The following ACSF3 variants were observed in gnomAD, a reference collection of about 807,000 sequenced individuals.
ACSF3 encodes acyl-CoA synthetase family member 3.
A neutral mutation model predicts 53.2 loss-of-function variants in ACSF3; 78 were observed. The ratio of observed to expected loss-of-function variants is 1.47; its 90% CI spans 1.22 to 1.77. The LOEUF (loss-of-function observed/expected upper bound fraction) is 1.77. ACSF3 is among the 40% of genes most tolerant of loss of function. The probability of loss-of-function intolerance (pLI) is 0.00; values close to 1 mark genes in which losing one functional copy is unlikely to be tolerated. For missense variants in ACSF3, 937 were observed against 771.1 expected (o/e 1.22, Z -2.55); for synonymous variants, 414 against 333.1 (o/e 1.24, Z -2.65).
chr16:89,151,007 C>T, intron 10 of ACSF3: 10 of 1,287,324 alleles, frequency 7.8e-6, no homozygotes, highest in Non-Finnish European at 1.0e-5. Context: ...TTTCCCCAAA[C>T]CAAAGGTCAT....
intron 10 of ACSF3, 47 bp from the exon 11 acceptor site, chr16:89,154,043 T>C: frequency 1.3e-6 from 2 of 1,584,818 alleles, no homozygotes; most frequent in Non-Finnish European, 1.7e-6. Context: ...TTCCTCCTGC[T>C]GGGCACTGTC....
intron 8 of ACSF3, among the ~76,000 whole-genome samples, chr16:89,134,105 A>G (rs900616748): frequency 6.6e-6 from 1 of 152,214 alleles, no homozygotes; most frequent in Admixed American, 6.5e-5. Flanking sequence ...TAGCGGACGT[A>G]TGTGGATGTG....
chr16:89,156,047 C>T lies in ACSF3; in HGVS notation c.*1840C>T, dbSNP rs1361612084. Reference sequence around the variant, plus strand: ...GCTCCAAGGACATGCGGTTGAATGCCGTGTTCTAAAGTCACGAGTGACTCT... The same window carrying T: ...GCTCCAAGGACATGCGGTTGAATGCTGTGTTCTAAAGTCACGAGTGACTCT... On this transcript the variant is annotated 3_prime_UTR_variant, in exon 11 of 11. Coordinates refer to ENST00000614302, the MANE Select transcript of ACSF3 (RefSeq NM_001243279.3). Among the ~76,000 whole-genome samples the T allele has an allele frequency of 6.6e-6, 1 of 152,166 alleles. No individual in the cohort carries two copies.
intron 4 of ACSF3, among the ~76,000 whole-genome samples, chr16:89,105,127 C>T (rs577075367): frequency 6.6e-6 from 1 of 151,936 alleles, no homozygotes; most frequent in Admixed American, 6.6e-5. Flanking sequence ...CTGAGGGCCC[C>T]GTCTCCCTAA....
At chr16:89,102,447 G>C (rs891392859) in intron 3 of ACSF3, 157 bp from the exon 4 acceptor site, 4 of 818,036 alleles carry the variant, frequency 4.9e-6, no homozygotes, top group Non-Finnish European at 8.0e-6. Context: ...TCGTCATCTT[G>C]AGAGGCTGCT....
At chr16:89,133,379 G>C in intron 8 of ACSF3, 117 bp downstream of exon 8, 1 of 1,434,562 alleles carries the variant, frequency 7.0e-7, no homozygotes, top group South Asian at 1.2e-5. Flanking sequence ...GCCAAAGGCA[G>C]AAGATGGGGT....
At position 89,102,391 on chromosome 16, in the gene ACSF3, T is replaced by C. The variant is rs148707302; in HGVS notation, c.667-213T>C. On this transcript the variant is annotated intron_variant, in intron 3 of 10. Coordinates refer to ENST00000614302, the MANE Select transcript of ACSF3 (RefSeq NM_001243279.3). ...TCTGGCTGTGTGTGGCGCTGTCCTCTGTCCCCAGGGTAAGTGAGTGACCCA... is the reference window on the plus strand; with the variant it reads ...TCTGGCTGTGTGTGGCGCTGTCCTCCGTCCCCAGGGTAAGTGAGTGACCCA... 1,469 of 631,880 alleles carry C rather than the reference T, an allele frequency of 2.3e-3. 18 individuals carry two copies. The highest frequency in any genetic ancestry group is 0.023 in the African/African-American group (1,251 of 55,574). The allele number at this position is 631,880 out of a possible 1,614,324, so 39.1% of individuals were successfully genotyped here.
intron 4 of ACSF3, among the ~76,000 whole-genome samples, chr16:89,109,123 T>A (rs920935233): frequency 1.1e-4 from 17 of 149,908 alleles, no homozygotes; most frequent in African/African-American, 4.2e-4. Context: ...TCCCAGCTAC[T>A]CGGGAGGCTG....
At position 89,101,039 on chromosome 16, in the gene ACSF3, G is replaced by A. The variant is rs200703917; in HGVS notation, c.358G>A (p.Gly120Ser). 3.8e-4 allele frequency: 615 copies of A among 1,613,964 alleles called. No individual in the cohort carries two copies. Among genetic ancestry groups the A allele is most frequent in the Non-Finnish European group, 4.7e-4 (559 of 1,179,934 alleles). Reference protein sequence around the residue: ...VAQWASWMSGGVAVPLYRKHP... With the variant: ...VAQWASWMSGSVAVPLYRKHP... ...CCAGTGGGCGTCATGGATGAGTGGCGGTGTGGCAGTCCCCCTCTACAGGAA... is the reference window on the plus strand; with the variant it reads ...CCAGTGGGCGTCATGGATGAGTGGCAGTGTGGCAGTCCCCCTCTACAGGAA... The change falls in exon 3 of 11, where the codon GGT (glycine) becomes AGT (serine). Residue 120 changes from glycine to serine, a missense_variant. Physicochemically the swap from Gly to Ser is moderately conservative, Grantham distance 56 (BLOSUM62 0). Coordinates refer to ENST00000614302, the MANE Select transcript of ACSF3 (RefSeq NM_001243279.3).
At chr16:89,128,582 T>C (rs891984559) in intron 7 of ACSF3, among the ~76,000 whole-genome samples, 1 of 152,222 alleles carries the variant, frequency 6.6e-6, no homozygotes, top group Non-Finnish European at 1.5e-5. Context: ...TATTTTTATT[T>C]TCATTTAGTT....
chr16:89,115,977 G>C (rs2055260527), intron 6 of ACSF3, among the ~76,000 whole-genome samples: 1 of 152,186 alleles, frequency 6.6e-6, no homozygotes, highest in Non-Finnish European at 1.5e-5. Flanking sequence ...AAAATCAGGA[G>C]TTTTAGGTTT....
At chr16:89,114,540 C>A in intron 6 of ACSF3, 53 bp downstream of exon 6, 2 of 1,601,980 alleles carry the variant, frequency 1.2e-6, no homozygotes, top group Non-Finnish European at 1.7e-6. Flanking sequence ...CTGAGCCCCC[C>A]AAGGTGGGCC....
At chr16:89,138,317 A>G (rs1202140958) in intron 8 of ACSF3, among the ~76,000 whole-genome samples, 1 of 152,176 alleles carries the variant, frequency 6.6e-6, no homozygotes, top group African/African-American at 2.4e-5. Flanking sequence ...GGACCTTTTC[A>G]GAAGCCCTGG....
rs1407891098 is a variant in ACSF3, at chr16:89,110,969, C to T, written c.823-1123C>T. ...CTGACTTTTTTCCTCTTTTCTGCTG[C>T]GTCTTGTTTGTTATTAGGTCTATTG... On this transcript the variant is annotated intron_variant, in intron 4 of 10. Transcript: ENST00000614302. 4.6e-5 allele frequency among the ~76,000 whole-genome samples: 7 copies of T among 152,184 alleles called. No homozygotes were observed. In the South Asian group the frequency reaches 6.2e-4, roughly 14 times the overall value.
chr16:89,103,655 G>T (rs1483859292), intron 4 of ACSF3, among the ~76,000 whole-genome samples: 1 of 152,238 alleles, frequency 6.6e-6, no homozygotes, highest in Non-Finnish European at 1.5e-5. Flanking sequence ...CTATGATGTG[G>T]CCACTGTGGC....
chr16:89,104,076 C>T (rs1975686487), intron 4 of ACSF3, among the ~76,000 whole-genome samples: 1 of 152,144 alleles, frequency 6.6e-6, no homozygotes, highest in East Asian at 1.9e-4. Flanking sequence ...AAGAGTCACT[C>T]ACCAGGCTGC....
chr16:89,112,386 G>T, intron 5 of ACSF3, 140 bp downstream of exon 5: 1 of 1,076,324 alleles, frequency 9.3e-7, no homozygotes, highest in Admixed American at 2.0e-5. Context: ...CTCTCTACCC[G>T]TCTCCGTCTC....
chr16:89,145,543 C>A, intron 9 of ACSF3, 142 bp downstream of exon 9: 1 of 1,104,378 alleles, frequency 9.1e-7, no homozygotes, highest in Non-Finnish European at 1.3e-6. Flanking sequence ...GGTCCCTGCC[C>A]TGGCCAGGGA....
chr16:89,105,996 G>A (rs1223601091), intron 4 of ACSF3, among the ~76,000 whole-genome samples: 1 of 152,228 alleles, frequency 6.6e-6, no homozygotes, highest in Non-Finnish European at 1.5e-5. Context: ...CCTTTCCAGT[G>A]CCCACAGGCA....
Sources: allele counts gnomAD v4.1 joint callset (sites outside exome capture counted in the v4.1 genomes callset), GRCh38; gene constraint gnomAD v4.1.1; transcripts MANE v1.5; gene names NCBI Gene and HGNC (gene_info 2026-07-23, HGNC 2026-07-21).